The following ZNRF3 variants were observed in gnomAD, a reference collection of about 807,000 sequenced individuals.
ZNRF3 encodes the protein zinc and ring finger 3, also known as E3 ubiquitin-protein ligase ZNRF3.
In ZNRF3, 23 loss-of-function variants were observed where a neutral mutation model predicts 72.5. The ratio of observed to expected loss-of-function variants is 0.32; its 90% CI spans 0.23 to 0.45. The LOEUF (loss-of-function observed/expected upper bound fraction) is 0.45. Among genes scored for constraint, ZNRF3 ranks in the 20% least tolerant of loss-of-function variants. ZNRF3 has a pLI of 1.00. For missense variants in ZNRF3, 1,169 were observed against 1,272.1 expected, an observed-to-expected ratio of 0.92 and a Z score of 1.23; for synonymous variants, 610 against 545.3, an observed-to-expected ratio of 1.12 and a Z score of -1.65.
At chr22:29,011,576 T>C (rs1231436408) in intron 2 of ZNRF3, among the ~76,000 whole-genome samples, 2 of 152,254 alleles carry the variant, frequency 1.3e-5, no homozygotes, top group Admixed American at 1.3e-4. Context: ...TCAACCAAAC[T>C]GTGCTTTTAT....
At chr22:28,908,238 A>G (rs1219008752) in intron 1 of ZNRF3, among the ~76,000 whole-genome samples, 2 of 152,238 alleles carry the variant, frequency 1.3e-5, no homozygotes, top group Admixed American at 1.3e-4. Flanking sequence ...AGTCATCTCC[A>G]TAAGGTGATT....
Position 29,049,070 on chromosome 22 carries a change from T to G in ZNRF3, c.1016-127T>G. The stretch of plus-strand genomic sequence containing the variant: ...GCAGCTCAGTTTGGGGGCAGGGTTG[T>G]GAGAATGGGTACCTTGGCAGGTGAC... On this transcript the variant is annotated intron_variant, in intron 7 of 8. Coordinates refer to ENST00000544604, the MANE Select transcript of ZNRF3 (RefSeq NM_001206998.2). The surrounding 1 kb of genome is among the most constrained non-coding windows in gnomAD (Gnocchi z 5.2). 8.7e-5 allele frequency: 94 copies of G among 1,086,530 alleles called. No homozygotes were observed. Among genetic ancestry groups the G allele is most frequent in the Non-Finnish European group, 1.1e-4 (83 of 753,504 alleles). 67.3% of individuals were successfully genotyped at this position (1,086,530 alleles called of 1,614,324 possible).
chr22:28,921,158 A>C (rs2034504977), intron 1 of ZNRF3, among the ~76,000 whole-genome samples: 1 of 152,182 alleles, frequency 6.6e-6, no homozygotes, highest in Admixed American at 6.5e-5. Flanking sequence ...TGGTAGCATC[A>C]GCACATGGTT....
At chr22:28,910,555 C>G (rs1267094263) in intron 1 of ZNRF3, among the ~76,000 whole-genome samples, 1 of 152,122 alleles carries the variant, frequency 6.6e-6, no homozygotes, top group Non-Finnish European at 1.5e-5. Flanking sequence ...CTTTAATGTC[C>G]TCTTATTTTC....
chr22:29,039,784 C>CA (rs397976678), intron 2 of ZNRF3, among the ~76,000 whole-genome samples: 9,603 of 84,788 alleles, frequency 0.11, 689 homozygotes, highest in African/African-American at 0.25. Context: ...TCGTCTCTAC[C>CA]AAAAAAAAAA....
chr22:28,884,030 C>A lies in ZNRF3; in HGVS notation c.264C>A (p.Ala88=). Residue 88 remains alanine, a synonymous_variant, in exon 1 of 9, where the codon GCC becomes GCA. Coordinates refer to ENST00000544604, the MANE Select transcript of ZNRF3 (RefSeq NM_001206998.2). ...GCCTCACGGGCCGCTTCTCGCGGGC[C>A]GGGGCCACGCTCAGCGCCGAGGGCG... The part of the protein sequence containing the change: ...TTGLTGRFSR[A]GATLSAEGEI... 1 of 1,258,612 alleles carries A rather than the reference C, an allele frequency of 7.9e-7. No individual in the cohort carries two copies. The highest frequency in any genetic ancestry group is 1.0e-6 in the Non-Finnish European group (1 of 980,292). 78.0% of individuals were successfully genotyped at this position (1,258,612 alleles called of 1,614,324 possible).
chr22:28,913,042 G>T (rs1186953779), intron 1 of ZNRF3, among the ~76,000 whole-genome samples: 1 of 152,226 alleles, frequency 6.6e-6, no homozygotes, highest in Non-Finnish European at 1.5e-5. Context: ...GGAAGTTGTG[G>T]ATTTTTAGAA....
chr22:28,897,043 A>G (rs940320130), intron 1 of ZNRF3, among the ~76,000 whole-genome samples: 7 of 152,192 alleles, frequency 4.6e-5, no homozygotes, highest in African/African-American at 9.7e-5. Flanking sequence ...AGCTGGGACT[A>G]TGCAGGCATG....
At position 29,049,444 on chromosome 22, in the gene ZNRF3, C is replaced by T; in HGVS notation, c.1263C>T (p.Pro421=). 1 of 1,605,922 alleles carries T rather than the reference C, an allele frequency of 6.2e-7. No individual in the cohort carries two copies. Among genetic ancestry groups the T allele is most frequent in the Non-Finnish European group, 8.5e-7 (1 of 1,179,586 alleles). The change falls in exon 8 of 9, where the codon CCC becomes CCT. Residue 421 remains proline (P), a synonymous_variant. Transcript: ENST00000544604. This position sits in a 1 kb window ranked among gnomAD's most constrained non-coding sequence, Gnocchi z 5.2. ...QTPAYIRSYP[P]LHLDHSLAAH... is the part of the protein sequence containing the mutation. ...CCGCCTACATCCGCAGCTACCCACC[C>T]CTCCACCTGGACCACAGCCTGGCCG...
intron 1 of ZNRF3, among the ~76,000 whole-genome samples, chr22:28,895,417 C>T (rs1457853773): frequency 1.3e-5 from 2 of 152,202 alleles, no homozygotes; most frequent in African/African-American, 4.8e-5. Context: ...CGGTGGCTCA[C>T]GCCTGTAATC....
intron 2 of ZNRF3, among the ~76,000 whole-genome samples, chr22:29,034,568 C>T (rs2036829200): frequency 6.6e-6 from 1 of 152,166 alleles, no homozygotes; most frequent in Admixed American, 6.5e-5. Context: ...AAATAGGAGC[C>T]TCTAGCATGT....
At chr22:28,919,090 G>A (rs1323935866) in intron 1 of ZNRF3, among the ~76,000 whole-genome samples, 1 of 152,224 alleles carries the variant, frequency 6.6e-6, no homozygotes, top group Non-Finnish European at 1.5e-5. Context: ...TTGCAGCCAA[G>A]GAGGGGTTGG....
At chr22:28,951,644 G>GTTAA (rs2123795314) in intron 1 of ZNRF3, among the ~76,000 whole-genome samples, 1 of 152,308 alleles carries the variant, frequency 6.6e-6, no homozygotes, top group African/African-American at 2.4e-5. Flanking sequence ...AGGCAGCCCT[G>GTTAA]GGAAATGAAT....
At chr22:29,026,311 G>T (rs1353423149) in intron 2 of ZNRF3, 2 of 152,012 alleles carry the variant, frequency 1.3e-5, no homozygotes, top group African/African-American at 4.8e-5. Context: ...CACACCCCCA[G>T]ACCCCATCAC....
At chr22:28,989,824 A>G (rs960654675) in intron 2 of ZNRF3, among the ~76,000 whole-genome samples, 2 of 152,216 alleles carry the variant, frequency 1.3e-5, no homozygotes, top group African/African-American at 4.8e-5. Flanking sequence ...ACAATGCCAC[A>G]GGGTGAAACC....
At chr22:28,969,014 A>T (rs1285183988) in intron 1 of ZNRF3, among the ~76,000 whole-genome samples, 1 of 152,114 alleles carries the variant, frequency 6.6e-6, no homozygotes, top group South Asian at 2.1e-4. Flanking sequence ...TCATACCTCC[A>T]TGTGGTCTTG....
In ZNRF3 at chr22:29,053,440, C is replaced by G. The variant is rs905148510; in HGVS notation, c.2768-139C>G. ...TGCTCTCAGCACAAATGGAGCCCCT[C>G]TGGGAACAGGAACCTGCTTCAGCCC... On this transcript the variant is annotated intron_variant, in intron 8 of 8. Transcript: ENST00000544604. 2.0e-5 allele frequency: 14 copies of G among 703,246 alleles called. No individual in the cohort carries two copies. In the South Asian group the frequency reaches 2.6e-4, roughly 13 times the overall value. The allele number at this position is 703,246 out of a possible 1,614,324, so 43.6% of individuals were successfully genotyped here.
At chr22:29,003,249 G>A (rs1429663161) in intron 2 of ZNRF3, among the ~76,000 whole-genome samples, 1 of 152,198 alleles carries the variant, frequency 6.6e-6, no homozygotes, top group African/African-American at 2.4e-5. Context: ...GGGCGCAGTG[G>A]CTCATGTCTG....
chr22:28,943,714 T>C (rs1199154934), intron 1 of ZNRF3, among the ~76,000 whole-genome samples: 1 of 152,160 alleles, frequency 6.6e-6, no homozygotes, highest in Non-Finnish European at 1.5e-5. Flanking sequence ...CTTTACACTT[T>C]CCAAGTGTTT....
Sources: allele counts gnomAD v4.1 joint callset (sites outside exome capture counted in the v4.1 genomes callset), GRCh38; gene constraint gnomAD v4.1.1; non-coding constraint Gnocchi (gnomAD v3.1); transcripts MANE v1.5; gene names NCBI Gene and HGNC (gene_info 2026-07-23, HGNC 2026-07-21).